The following EYA1 variants were observed in gnomAD, a reference collection of about 807,000 sequenced individuals.
EYA1 encodes EYA transcriptional coactivator and phosphatase 1.
A neutral mutation model predicts 82.0 loss-of-function variants in EYA1; 16 were observed. The ratio of observed to expected loss-of-function variants is 0.20; its 90% confidence interval spans 0.13 to 0.30. EYA1 has a LOEUF of 0.30. EYA1 is among the 10% of genes least tolerant of loss of function. The probability of loss-of-function intolerance (pLI) is 1.00; values close to 1 mark genes in which losing one functional copy is unlikely to be tolerated. For missense variants in EYA1, 633 were observed against 730.7 expected (o/e 0.87, Z 1.54); for synonymous variants, 261 against 264.4 (o/e 0.99, Z 0.12).
intron 4 of EYA1, 183 bp from the exon 5 acceptor site, chr8:71,322,451 G>A (rs1822681350): frequency 1.6e-6 from 1 of 627,810 alleles, no homozygotes. Flanking sequence ...AAACTATAAA[G>A]AGGAATGAAT....
At chr8:71,434,442 C>T (rs769236741) in intron 2 of EYA1, among the ~76,000 whole-genome samples, 34 of 152,118 alleles carry the variant, frequency 2.2e-4, no homozygotes, top group Non-Finnish European at 4.1e-4. Context: ...AAGCTTTATA[C>T]AATTAGATAA....
chr8:71,265,166 TG>T (rs1306721330), intron 11 of EYA1, among the ~76,000 whole-genome samples: 1 of 146,434 alleles, frequency 6.8e-6, no homozygotes, highest in Non-Finnish European at 1.5e-5. Context: ...GTTTTTGTTT[TG>T]TTTTTTTTTG....
At chr8:71,297,228 T>A (rs1022279593) in intron 9 of EYA1, among the ~76,000 whole-genome samples, 9 of 152,124 alleles carry the variant, frequency 5.9e-5, no homozygotes, top group African/African-American at 1.9e-4. Context: ...AAATTAGAAT[T>A]TTTCATTGTT....
At chr8:71,202,726 A>G (rs1026495950) in intron 17 of EYA1, among the ~76,000 whole-genome samples, 2 of 152,072 alleles carry the variant, frequency 1.3e-5, no homozygotes, top group Middle Eastern at 3.2e-3. Context: ...AAGGATAGCA[A>G]CTCTATCCTC....
chr8:71,445,969 A>C (rs923433689), intron 2 of EYA1, among the ~76,000 whole-genome samples: 1 of 152,202 alleles, frequency 6.6e-6, no homozygotes, highest in Non-Finnish European at 1.5e-5. Flanking sequence ...ATAAACTAGG[A>C]GACTACAGTT....
At chr8:71,519,519 G>A (rs187090583) in intron 2 of EYA1, among the ~76,000 whole-genome samples, 2 of 152,092 alleles carry the variant, frequency 1.3e-5, no homozygotes, top group African/African-American at 4.8e-5. Context: ...GTATAATTGT[G>A]ATTTTGCCAG....
intron 2 of EYA1, among the ~76,000 whole-genome samples, chr8:71,522,087 T>C (rs1813442663): frequency 6.6e-6 from 1 of 152,204 alleles, no homozygotes; most frequent in African/African-American, 2.4e-5. Flanking sequence ...ATTTCAAAAG[T>C]ATTTATAATC....
At chr8:71,220,613 A>G (rs1050165512) in intron 12 of EYA1, among the ~76,000 whole-genome samples, 1 of 152,246 alleles carries the variant, frequency 6.6e-6, no homozygotes, top group African/African-American at 2.4e-5. Flanking sequence ...AGCGCTTAAT[A>G]CAACAGACAA....
intron 7 of EYA1, among the ~76,000 whole-genome samples, chr8:71,315,296 T>C (rs1002279791): frequency 6.6e-6 from 1 of 152,254 alleles, no homozygotes; most frequent in African/African-American, 2.4e-5. Context: ...ACTATGAAAG[T>C]TTCTAGATGC....
chr8:71,216,543 T>C lies in EYA1; in HGVS notation c.1360+149A>G, dbSNP rs1809224933. Reference sequence around the variant, plus strand: ...GGCTCCAGTGCAATATTTCTGTCACTAAATCACAGCAGAATAATGGCCAGT... The same window carrying C: ...GGCTCCAGTGCAATATTTCTGTCACCAAATCACAGCAGAATAATGGCCAGT... On this transcript the variant is annotated intron_variant, in intron 14 of 17. Transcript: ENST00000340726. 3.5e-6 allele frequency: 3 copies of C among 852,398 alleles called. No individual in the cohort carries two copies. In the African/African-American group the frequency reaches 5.0e-5, roughly 14 times the overall value. 52.8% of individuals were successfully genotyped at this position (852,398 alleles called of 1,614,324 possible). A position where few individuals can be genotyped will look rare whatever the true frequency, so the allele number is the denominator to read the frequency against.
chr8:71,455,201 A>G (rs1807779600), intron 2 of EYA1, among the ~76,000 whole-genome samples: 1 of 152,176 alleles, frequency 6.6e-6, no homozygotes, highest in African/African-American at 2.4e-5. Flanking sequence ...ACAAGACTAC[A>G]CCAGGAAGAA....
intron 2 of EYA1, among the ~76,000 whole-genome samples, chr8:71,415,614 A>C (rs1417076387): frequency 6.6e-6 from 1 of 152,188 alleles, no homozygotes; most frequent in East Asian, 1.9e-4. Flanking sequence ...ACATATTTAC[A>C]TGGAGCCTTC....
At chr8:71,509,076 G>A (rs569129351) in intron 2 of EYA1, among the ~76,000 whole-genome samples, 11 of 152,030 alleles carry the variant, frequency 7.2e-5, no homozygotes, top group African/African-American at 2.2e-4. Flanking sequence ...ACAAAAATTA[G>A]CCAGGGGTGG....
At chr8:71,482,902 G>A (rs1045578036) in intron 2 of EYA1, among the ~76,000 whole-genome samples, 3 of 152,204 alleles carry the variant, frequency 2.0e-5, no homozygotes, top group Non-Finnish European at 4.4e-5. Flanking sequence ...GGGGTACAAT[G>A]GAGGTAGTGT....
chr8:71,354,789 G>A lies in EYA1; in HGVS notation c.117C>T (p.Gly39=). 7.4e-6 allele frequency: 12 copies of A among 1,613,228 alleles called. No homozygotes were observed. Among genetic ancestry groups the A allele is most frequent in the Non-Finnish European group, 1.0e-5 (12 of 1,179,330 alleles). The change falls in exon 3 of 18, where the codon GGC becomes GGT. Residue 39 remains glycine (G), a synonymous_variant. Coordinates refer to ENST00000340726, the MANE Select transcript of EYA1 (RefSeq NM_000503.6). ...GAGAAGGCAGACACTCACCTTCGGTGCCATTGGGAGTCATGGAATTACTAT... is the reference window on the plus strand; with the variant it reads ...GAGAAGGCAGACACTCACCTTCGGTACCATTGGGAGTCATGGAATTACTAT... The part of the protein sequence containing the change: ...HINSNSMTPN[G]TEVKTEPMSS...
intron 9 of EYA1, among the ~76,000 whole-genome samples, chr8:71,279,039 C>T (rs1817521325): frequency 6.6e-6 from 1 of 152,158 alleles, no homozygotes; most frequent in Non-Finnish European, 1.5e-5. Flanking sequence ...GGACTGAGGC[C>T]AGGGTAGCTA....
intron 6 of EYA1, among the ~76,000 whole-genome samples, chr8:71,319,134 A>T (rs558366219): frequency 7.0e-6 from 1 of 143,654 alleles, no homozygotes; most frequent in African/African-American, 2.6e-5. Context: ...TAATTCATGT[A>T]TTTTTTTTTT....
chr8:71,334,060 T>C, intron 4 of EYA1, 37 bp downstream of exon 4: 3 of 1,422,712 alleles, frequency 2.1e-6, no homozygotes, highest in Middle Eastern at 1.8e-4. Context: ...GAAAAAATGC[T>C]TGGTGTTGAT....
intron 7 of EYA1, among the ~76,000 whole-genome samples, chr8:71,304,946 C>A (rs970191712): frequency 3.5e-5 from 5 of 143,060 alleles, no homozygotes; most frequent in Admixed American, 3.5e-4. Flanking sequence ...GGCTGCTAGA[C>A]TCACTTGCAG....
Sources: allele counts gnomAD v4.1 joint callset (sites outside exome capture counted in the v4.1 genomes callset), GRCh38; gene constraint gnomAD v4.1.1; transcripts MANE v1.5; gene names NCBI Gene and HGNC (gene_info 2026-07-23, HGNC 2026-07-21).